Variants in RETREG1 observed in about 807,000 individuals in gnomAD.
RETREG1 encodes the protein reticulophagy regulator 1, also known as family with sequence similarity 134 member B.
In RETREG1, 44 loss-of-function variants were observed where a neutral mutation model predicts 54.8. The ratio of observed to expected loss-of-function variants is 0.80; its 90% CI spans 0.63 to 1.03. RETREG1 has a LOEUF of 1.03. RETREG1 is among the 50% of genes least tolerant of loss of function. RETREG1 has a pLI of 0.00. For synonymous variants in RETREG1, 217 were observed against 238.5 expected (o/e 0.91, Z 0.83); for missense variants, 554 against 605.1 (o/e 0.92, Z 0.89).
chr5:16,496,888 C>G (rs1220043247), intron 3 of RETREG1, among the ~76,000 whole-genome samples: 1 of 152,104 alleles, frequency 6.6e-6, no homozygotes, highest in Non-Finnish European at 1.5e-5. Flanking sequence ...AAAAAGGCAG[C>G]CATAGACAAT....
rs144957302 is a variant in RETREG1 at position 16,512,542 on chromosome 5, T to C, written c.459-29070A>G. Among the ~76,000 whole-genome samples the C allele has an allele frequency of 5.9e-5, 9 of 152,270 alleles. No homozygotes were observed. The East Asian group carries it at 1.7e-3, about 29-fold the overall frequency. On this transcript the variant is annotated intron_variant, in intron 3 of 8. Coordinates refer to ENST00000306320, the MANE Select transcript of RETREG1 (RefSeq NM_001034850.3). The stretch of plus-strand genomic sequence containing the variant: ...CACTTCAAAGCTAAACGTTCACCTT[T>C]CTTGACACCTTTTTCCCCTTCACAT...
At chr5:16,537,428 G>A (rs1741105576) in intron 3 of RETREG1, among the ~76,000 whole-genome samples, 1 of 152,178 alleles carries the variant, frequency 6.6e-6, no homozygotes, top group Non-Finnish European at 1.5e-5. Flanking sequence ...CAGGGCACTG[G>A]GAGTGTGTGT....
chr5:16,582,924 G>A (rs556619586), intron 1 of RETREG1, among the ~76,000 whole-genome samples: 265 of 152,288 alleles, frequency 1.7e-3, no homozygotes, highest in Non-Finnish European at 2.7e-3. Context: ...TCGGACCCCT[G>A]CCATTTGGCC....
At chr5:16,534,273 T>C (rs943451010) in intron 3 of RETREG1, among the ~76,000 whole-genome samples, 1 of 152,132 alleles carries the variant, frequency 6.6e-6, no homozygotes, top group African/African-American at 2.4e-5. Flanking sequence ...AGTGAGACCC[T>C]GTCACTAAAA....
intron 3 of RETREG1, among the ~76,000 whole-genome samples, chr5:16,524,356 C>T (rs554614031): frequency 3.3e-5 from 5 of 152,292 alleles, no homozygotes; most frequent in African/African-American, 4.8e-5. Context: ...GTAAAATCTC[C>T]GAAACTTAAA....
intron 1 of RETREG1, among the ~76,000 whole-genome samples, chr5:16,611,179 T>A (rs562417262): frequency 6.6e-6 from 1 of 152,268 alleles, no homozygotes; most frequent in Admixed American, 6.5e-5. Flanking sequence ...CTGCATGTTC[T>A]CACTTATAGG....
At chr5:16,590,601 C>T (rs575138014) in intron 1 of RETREG1, among the ~76,000 whole-genome samples, 29 of 152,152 alleles carry the variant, frequency 1.9e-4, no homozygotes, top group Non-Finnish European at 3.8e-4. Context: ...CTGCAGAATC[C>T]ACATGGGCCA....
chr5:16,474,879 A>G lies in RETREG1; in HGVS notation c.1356T>C (p.Gly452=). The change falls in exon 9 of 9, where the codon GGT becomes GGC. Residue 452 remains glycine (G), a synonymous_variant. Coordinates refer to ENST00000306320, the MANE Select transcript of RETREG1 (RefSeq NM_001034850.3). ...ACTGGTCAAGTAGTTCAAAGTCATC[A>G]CCTTCTTCAGTGTCTGTGTCCTCTT... ...IPEEDTDTEE[G]DDFELLDQSE... is the part of the protein sequence containing the mutation. 1.2e-6 allele frequency: 2 copies of G among 1,613,814 alleles called. No homozygotes were observed. Among genetic ancestry groups the G allele is most frequent in the Non-Finnish European group, 1.7e-6 (2 of 1,179,912 alleles).
intron 1 of RETREG1, among the ~76,000 whole-genome samples, chr5:16,577,495 A>G (rs753290303): frequency 6.6e-5 from 10 of 152,146 alleles, no homozygotes; most frequent in Non-Finnish European, 1.5e-4. Flanking sequence ...GATCACAGTT[A>G]TAACGAGAAA....
Position 16,561,074 on chromosome 5 carries a change from T to C in RETREG1, c.458+4689A>G, listed in dbSNP as rs1343511796. On this transcript the variant is annotated intron_variant, in intron 3 of 8. Coordinates refer to ENST00000306320, the MANE Select transcript of RETREG1 (RefSeq NM_001034850.3). The surrounding 1 kb of genome is among the most constrained non-coding windows in gnomAD (Gnocchi z 4.2). ...TCACTTGTACCTCCCATTAACCAGA[T>C]GAAAACCTGAGGCCGAAAGAGAAGT... is the stretch of plus-strand genomic sequence containing the variant. Among the ~76,000 whole-genome samples the C allele has an allele frequency of 6.6e-6, 1 of 152,072 alleles. No homozygotes were observed. The highest frequency in any genetic ancestry group is 2.4e-5 in the African/African-American group (1 of 41,388).
At chr5:16,498,411 A>T (rs781061134) in intron 3 of RETREG1, among the ~76,000 whole-genome samples, 2 of 152,248 alleles carry the variant, frequency 1.3e-5, no homozygotes, top group Non-Finnish European at 2.9e-5. Context: ...AATACAGAAT[A>T]AAAGATTTTT....
In RETREG1 at chr5:16,585,030, A is replaced by G. The variant is rs1408593550; in HGVS notation, c.321-12928T>C. Reference sequence around the variant, plus strand: ...GTTGTGATGGCCAAGAAAATGAATTATAAGCATCAGAGGAGAGGAAAAGAG... The same window carrying G: ...GTTGTGATGGCCAAGAAAATGAATTGTAAGCATCAGAGGAGAGGAAAAGAG... On this transcript the variant is annotated intron_variant, in intron 1 of 8. Coordinates refer to ENST00000306320, the MANE Select transcript of RETREG1 (RefSeq NM_001034850.3). This position sits in a 1 kb window ranked among gnomAD's most constrained non-coding sequence, Gnocchi z 4.5. 1.3e-5 allele frequency among the ~76,000 whole-genome samples: 2 copies of G among 152,086 alleles called. No homozygotes were observed. The highest frequency in any genetic ancestry group is 2.9e-5 in the Non-Finnish European group (2 of 68,022).
chr5:16,543,376 A>T (rs1741300193), intron 3 of RETREG1, among the ~76,000 whole-genome samples: 1 of 152,244 alleles, frequency 6.6e-6, no homozygotes, highest in South Asian at 2.1e-4. Context: ...TTATCTTTTT[A>T]AAAAAACTGC....
chr5:16,557,164 T>C (rs1233308863), intron 3 of RETREG1, among the ~76,000 whole-genome samples: 1 of 152,216 alleles, frequency 6.6e-6, no homozygotes, highest in Non-Finnish European at 1.5e-5. Context: ...TATCCGTTGC[T>C]GTCCTGAAGA....
At chr5:16,485,395 C>T (rs948192973) in intron 3 of RETREG1, among the ~76,000 whole-genome samples, 1 of 152,152 alleles carries the variant, frequency 6.6e-6, no homozygotes, top group African/African-American at 2.4e-5. Context: ...TTCATAACTC[C>T]TGGCCTCAAA....
intron 1 of RETREG1, among the ~76,000 whole-genome samples, chr5:16,613,302 T>C (rs762290776): frequency 1.3e-5 from 2 of 152,214 alleles, no homozygotes; most frequent in Non-Finnish European, 2.9e-5. Flanking sequence ...GTGTTCATTG[T>C]ATTCCTCAGG....
chr5:16,550,431 T>G (rs553454132), intron 3 of RETREG1, among the ~76,000 whole-genome samples: 1 of 152,330 alleles, frequency 6.6e-6, no homozygotes, highest in South Asian at 2.1e-4. Context: ...CTGCAGTTAC[T>G]TAATGCTATC....
rs1320237215 is a variant in RETREG1, at chr5:16,616,846, C to T, written c.126G>A (p.Glu42=). The change falls in exon 1 of 9, where the codon GAG becomes GAA. Residue 42 remains glutamate (E), a synonymous_variant. Coordinates refer to ENST00000306320, the MANE Select transcript of RETREG1 (RefSeq NM_001034850.3). ...ASPAERQQQE[E]EAQEAGAAEG... is the part of the protein sequence containing the mutation. ...CCGCCGCCCCAGCTTCCTGCGCTTC[C>T]TCCTCCTGCTGCTGCCGCTCTGCGG... is the stretch of plus-strand genomic sequence containing the variant. 1 of 1,511,824 alleles carries T rather than the reference C, an allele frequency of 6.6e-7. No homozygotes were observed. The highest frequency in any genetic ancestry group is 8.8e-7 in the Non-Finnish European group (1 of 1,137,780). 93.7% of individuals were successfully genotyped at this position (1,511,824 alleles called of 1,614,324 possible).
intron 3 of RETREG1, among the ~76,000 whole-genome samples, chr5:16,519,415 A>T (rs1740459447): frequency 6.6e-6 from 1 of 152,222 alleles, no homozygotes; most frequent in South Asian, 2.1e-4. Context: ...TTGGAAACCC[A>T]GAGTTGCTCA....
Sources: gnomAD v4.1 joint callset for allele counts (sites outside exome capture counted in the v4.1 genomes callset) on GRCh38, gnomAD v4.1.1 for gene constraint, Gnocchi (gnomAD v3.1) non-coding constraint, MANE v1.5 for transcripts, NCBI Gene and HGNC (gene_info 2026-07-23, HGNC 2026-07-21) for gene names.